The following ERG variants were observed in gnomAD, a reference collection of about 807,000 sequenced individuals.
ERG encodes the protein transcriptional regulator ERG.
ERG carries 9 observed loss-of-function variants against 55.3 expected under a neutral mutation model. That is an observed-to-expected ratio of 0.16 (90% CI 0.10 to 0.28). The LOEUF (loss-of-function observed/expected upper bound fraction) is 0.28, where lower values mean the gene tolerates loss of function less well. ERG is among the 10% of genes least tolerant of loss of function. The pLI is 1.00. For missense variants in ERG, 434 were observed against 631.6 expected (o/e 0.69, Z 3.35); for synonymous variants, 223 against 237.3 (o/e 0.94, Z 0.55).
chr21:38,647,375 T>TC (rs1352210520), intron 1 of ERG, among the ~76,000 whole-genome samples: 1 of 152,212 alleles, frequency 6.6e-6, no homozygotes, highest in Non-Finnish European at 1.5e-5. Context: ...CCATGCATCC[T>TC]CAAGGAGGCT....
At chr21:38,368,731 C>T in the ERG span, among the ~76,000 whole-genome samples, 2 of 152,068 alleles carry the variant, frequency 1.3e-5, no homozygotes, top group African/African-American at 4.8e-5. Flanking sequence ...AAGCCTAGTA[C>T]CCATAAGTTA....
chr21:38,497,022 C>T (rs919471173), intron 1 of ERG, among the ~76,000 whole-genome samples: 4 of 152,174 alleles, frequency 2.6e-5, no homozygotes, highest in African/African-American at 9.7e-5. Context: ...CACATTAACT[C>T]TCAATTTTAT....
chr21:38,601,505 G>C (rs2060164422), intron 1 of ERG, among the ~76,000 whole-genome samples: 2 of 152,108 alleles, frequency 1.3e-5, no homozygotes, highest in Admixed American at 6.5e-5. Flanking sequence ...CACTGCCAAA[G>C]GCTAGCCAGA....
intron 1 of ERG, among the ~76,000 whole-genome samples, chr21:38,653,180 T>A (rs2060498442): frequency 6.6e-6 from 1 of 152,218 alleles, no homozygotes; most frequent in Non-Finnish European, 1.5e-5. Flanking sequence ...GGATTCATCC[T>A]CTTTCTGGAT....
chr21:38,658,923 A>G (rs2060535615), intron 1 of ERG, among the ~76,000 whole-genome samples: 1 of 152,246 alleles, frequency 6.6e-6, no homozygotes, highest in Non-Finnish European at 1.5e-5. Flanking sequence ...CTAATTTTCT[A>G]AATTTTAGCT....
At chr21:38,427,737 A>G (rs562965999) in intron 2 of ERG, among the ~76,000 whole-genome samples, 3 of 152,322 alleles carry the variant, frequency 2.0e-5, no homozygotes, top group South Asian at 2.1e-4. Context: ...TAAGGTGTAC[A>G]CTAAAGCACT....
intron 1 of ERG, among the ~76,000 whole-genome samples, chr21:38,581,584 C>T (rs1179924434): frequency 3.9e-5 from 6 of 152,182 alleles, no homozygotes; most frequent in Admixed American, 3.9e-4. Flanking sequence ...TTCCCAACCT[C>T]TCAGGAGAGG....
chr21:38,540,696 T>C (rs2059745902), intron 2 of ERG, among the ~76,000 whole-genome samples: 1 of 152,200 alleles, frequency 6.6e-6, no homozygotes, highest in African/African-American at 2.4e-5. Context: ...TGGAGCTTTC[T>C]AATGCTCCTT....
intron 2 of ERG, among the ~76,000 whole-genome samples, chr21:38,432,583 A>G (rs1036632089): frequency 6.6e-6 from 1 of 152,222 alleles, no homozygotes; most frequent in African/African-American, 2.4e-5. Flanking sequence ...TGTTTATGTT[A>G]TAATAAACAT....
chr21:38,608,005 T>G (rs1014383661), intron 1 of ERG, among the ~76,000 whole-genome samples: 5 of 152,164 alleles, frequency 3.3e-5, no homozygotes, highest in Non-Finnish European at 5.9e-5. Context: ...GAGATTGGGA[T>G]AGGCAGCATA....
At chr21:38,587,452 A>G (rs559285910), upstream of ERG, among the ~76,000 whole-genome samples, 1 of 150,054 alleles carries the variant, frequency 6.7e-6, no homozygotes, top group East Asian at 2.0e-4. Flanking sequence ...TCCGCCTCCC[A>G]GGTTCACACC....
chr21:38,620,057 T>C (rs1355788424), intron 1 of ERG, among the ~76,000 whole-genome samples: 1 of 152,222 alleles, frequency 6.6e-6, no homozygotes, highest in Non-Finnish European at 1.5e-5. Flanking sequence ...CCAGCCAAGC[T>C]AAAGTGCTGC....
intron 1 of ERG, among the ~76,000 whole-genome samples, chr21:38,481,154 CA>C (rs1318019950): frequency 6.6e-6 from 1 of 152,142 alleles, no homozygotes; most frequent in Non-Finnish European, 1.5e-5. Context: ...TTTTAATTCT[CA>C]AATAAAGGTC....
At chr21:38,493,018 A>G (rs1418868094) in intron 1 of ERG, among the ~76,000 whole-genome samples, 1 of 152,320 alleles carries the variant, frequency 6.6e-6, no homozygotes, top group East Asian at 1.9e-4. Context: ...CTGGTCTCAT[A>G]TGTGGCTAGA....
At chr21:38,545,687 CCATCAA>C (rs1430629926) in intron 2 of ERG, among the ~76,000 whole-genome samples, 1 of 152,224 alleles carries the variant, frequency 6.6e-6, no homozygotes. Context: ...ATGATAGAGA[CCATCAA>C]CATGCCTTGG....
At chr21:38,560,936 A>G (rs2059889154) in intron 2 of ERG, among the ~76,000 whole-genome samples, 1 of 152,236 alleles carries the variant, frequency 6.6e-6, no homozygotes, top group Admixed American at 6.5e-5. Context: ...ATGCAAGAAT[A>G]ATAAGTCCTT....
At chr21:38,484,851 A>G (rs926463291) in intron 1 of ERG, among the ~76,000 whole-genome samples, 1 of 152,234 alleles carries the variant, frequency 6.6e-6, no homozygotes, top group Non-Finnish European at 1.5e-5. Flanking sequence ...GTGCTGGTGT[A>G]CAAACCTACT....
At position 38,598,615 on chromosome 21, in the gene ERG, C is replaced by T. The variant is rs184351862; in HGVS notation, c.-149-13670G>A. Among the ~76,000 whole-genome samples the T allele has an allele frequency of 6.7e-4, 102 of 152,248 alleles. 2 individuals are homozygous for T. The East Asian group carries it at 0.017, about 26-fold the overall frequency. ...GGTGCACTCTCTAAAAAAGGATGCCCGCACATCCATGCACAACTCTCTAAG... is the reference window on the plus strand; with the variant it reads ...GGTGCACTCTCTAAAAAAGGATGCCTGCACATCCATGCACAACTCTCTAAG... On this transcript the variant is annotated intron_variant, in intron 1 of 10. Coordinates refer to the ERG transcript ENST00000398910.
At chr21:38,375,826 C>T (rs1987226282), downstream of ERG, among the ~76,000 whole-genome samples, 2 of 152,132 alleles carry the variant, frequency 1.3e-5, no homozygotes, top group Admixed American at 6.5e-5. Context: ...TTGTGGGCCC[C>T]GGGTAGTCAT....
Sources: gnomAD v4.1 joint callset for allele counts (sites outside exome capture counted in the v4.1 genomes callset) on GRCh38, gnomAD v4.1.1 for gene constraint, MANE v1.5 for transcripts, NCBI Gene and HGNC (gene_info 2026-07-23, HGNC 2026-07-21) for gene names.